The following EVC2 variants were observed in gnomAD, a reference collection of about 807,000 sequenced individuals.
EVC2 encodes EvC ciliary complex subunit 2.
In EVC2, 148 loss-of-function variants were observed where a neutral mutation model predicts 149.3. The ratio of observed to expected loss-of-function variants is 0.99; its 90% confidence interval spans 0.87 to 1.14. The LOEUF is 1.14. Among genes scored for constraint, EVC2 ranks in the 50% most tolerant of loss-of-function variants. The pLI, the probability that EVC2 is intolerant of heterozygous loss-of-function variation, is 0.00. For missense variants in EVC2, 1,854 were observed against 1,627.3 expected, an observed-to-expected ratio of 1.14 and a Z score of -2.40; for synonymous variants, 776 against 649.9, an observed-to-expected ratio of 1.19 and a Z score of -2.95.
In EVC2 at chr4:5,679,024, C is replaced by CGA. The variant is rs938361917; in HGVS notation, c.870+2235_870+2236insTC. 6.7e-6 allele frequency among the ~76,000 whole-genome samples: 1 copy of CGA among 148,174 alleles called. No individual in the cohort carries two copies. Among genetic ancestry groups the CGA allele is most frequent in the African/African-American group, 2.5e-5 (1 of 40,038 alleles). On this transcript the variant is annotated intron_variant, in intron 7 of 21. Transcript: ENST00000344408. The surrounding 1 kb of genome is among the most constrained non-coding windows in gnomAD (Gnocchi z 5.1). ...CCAGCCTGGGCGACAAAGCAAGACTCTAAGAAAAAAAAGAAAGAAAGAAAA... is the reference window on the plus strand; with the variant it reads ...CCAGCCTGGGCGACAAAGCAAGACTCGATAAGAAAAAAAAGAAAGAAAGAAAA...
At chr4:5,598,564 C>T (rs1402154152) in intron 16 of EVC2, among the ~76,000 whole-genome samples, 8 of 152,092 alleles carry the variant, frequency 5.3e-5, no homozygotes, top group Non-Finnish European at 4.4e-5. Flanking sequence ...ATACAAAAAT[C>T]AATTCAAGAT....
In EVC2 at chr4:5,592,849, G is replaced by A. The variant is rs540475614; in HGVS notation, c.2830-7999C>T. On this transcript the variant is annotated intron_variant, in intron 16 of 21. Transcript: ENST00000344408. ...CAGCCCGCCCCAAGGGAAGAAACAC[G>A]GGAGAAGGGATGTGATATGGTTTGG... is the stretch of plus-strand genomic sequence containing the variant. Among the ~76,000 whole-genome samples, 44 of 152,252 alleles carry A rather than the reference G, an allele frequency of 2.9e-4. No homozygotes were observed. In the South Asian group the frequency reaches 8.5e-3, roughly 29 times the overall value.
In EVC2 at chr4:5,631,955, C is replaced by T; in HGVS notation, c.1548G>A (p.Leu516=). ...EQEHLRKSLA[L]QQEEDFAKAH... ...CTTTGGCAAAGTCTTCTTCTTGTTG[C>T]AAAGCGAGAGACTTCCTCAAGTGCT... Residue 516 remains leucine, a synonymous_variant, in exon 11 of 22, where the codon TTG becomes TTA. Coordinates refer to ENST00000344408, the MANE Select transcript of EVC2 (RefSeq NM_147127.5). 1 of 1,614,198 alleles carries T rather than the reference C, an allele frequency of 6.2e-7. No individual in the cohort carries two copies. The highest frequency in any genetic ancestry group is 8.5e-7 in the Non-Finnish European group (1 of 1,180,042).
At chr4:5,593,911 A>G (rs1262915942) in intron 16 of EVC2, among the ~76,000 whole-genome samples, 1 of 152,190 alleles carries the variant, frequency 6.6e-6, no homozygotes, top group Non-Finnish European at 1.5e-5. Flanking sequence ...ACGCACCAGG[A>G]GATTATATCC....
chr4:5,701,122 T>C lies in EVC2; in HGVS notation c.229-3475A>G, dbSNP rs981730547. Among the ~76,000 whole-genome samples the C allele has an allele frequency of 3.3e-5, 5 of 152,206 alleles. No individual in the cohort carries two copies. In the East Asian group the frequency reaches 5.8e-4, roughly 18 times the overall value. On this transcript the variant is annotated intron_variant, in intron 1 of 21. Coordinates refer to ENST00000344408, the MANE Select transcript of EVC2 (RefSeq NM_147127.5). ...GAGACTGCTGCGTTCCTTAAGTTCATGGCCCCTTCCTCCATTGTCAAAGGC... is the reference window on the plus strand; with the variant it reads ...GAGACTGCTGCGTTCCTTAAGTTCACGGCCCCTTCCTCCATTGTCAAAGGC...
Position 5,684,286 on chromosome 4 carries a change from T to C in EVC2, c.816+1084A>G, listed in dbSNP as rs73798118. Among the ~76,000 whole-genome samples the C allele has an allele frequency of 4.9e-3, 741 of 152,342 alleles. 6 individuals carry two copies. Among genetic ancestry groups the C allele is most frequent in the African/African-American group, 0.017 (714 of 41,564 alleles). ...GCCTCTTTCATGTTATCTAAATTTATCTAAGGTTTTTTGTTTTGTTTTGTT... is the reference window on the plus strand; with the variant it reads ...GCCTCTTTCATGTTATCTAAATTTACCTAAGGTTTTTTGTTTTGTTTTGTT... On this transcript the variant is annotated intron_variant, in intron 6 of 21. Transcript: ENST00000344408.
chr4:5,709,327 C>G (rs1367622952), upstream of EVC2: 1 of 152,212 alleles, frequency 6.6e-6, no homozygotes, highest in Admixed American at 6.5e-5. Context: ...CTTCCTCATC[C>G]CTGCCTAGGT....
At chr4:5,692,815 C>A (rs1283122865) in intron 3 of EVC2, among the ~76,000 whole-genome samples, 1 of 138,288 alleles carries the variant, frequency 7.2e-6, no homozygotes, top group Non-Finnish European at 1.5e-5. Flanking sequence ...TGCAGTGAGC[C>A]GAGATTGCGC....
intron 2 of EVC2, among the ~76,000 whole-genome samples, chr4:5,695,574 C>T (rs554790790): frequency 2.9e-4 from 44 of 152,294 alleles, no homozygotes; most frequent in African/African-American, 7.5e-4. Flanking sequence ...CAGTTCCCCT[C>T]ACCTGGGTGT....
Position 5,553,787 on chromosome 4 carries a change from G to A in EVC2, c.3420-10575C>T, listed in dbSNP as rs186178948. 9.9e-5 allele frequency among the ~76,000 whole-genome samples: 15 copies of A among 152,210 alleles called. No homozygotes were observed. In the East Asian group the frequency reaches 1.9e-3, roughly 20 times the overall value. ...AACTGATCCCAACTGACCTCACAGC[G>A]TGCCAGAACAAAATCCAAAACTATT... On this transcript the variant is annotated intron_variant and NMD_transcript_variant, in intron 21 of 22. Transcript: ENST00000475313.
At chr4:5,547,303 G>A (rs1721641543) in intron 21 of EVC2, among the ~76,000 whole-genome samples, 1 of 152,258 alleles carries the variant, frequency 6.6e-6, no homozygotes, top group African/African-American at 2.4e-5. Context: ...GCTGAAGGCA[G>A]CTTATGGCTG....
chr4:5,679,306 G>A lies in EVC2; in HGVS notation c.870+1954C>T, dbSNP rs1323456598. ...GCTGGAGTGCAGTGGCATGATCTCG[G>A]CTCACTGCAACCTCCGCCTCCCAGG... is the stretch of plus-strand genomic sequence containing the variant. On this transcript the variant is annotated intron_variant, in intron 7 of 21. Coordinates refer to ENST00000344408, the MANE Select transcript of EVC2 (RefSeq NM_147127.5). This position sits in a 1 kb window ranked among gnomAD's most constrained non-coding sequence, Gnocchi z 5.1. Among the ~76,000 whole-genome samples the A allele has an allele frequency of 2.6e-5, 4 of 151,686 alleles. No individual in the cohort carries two copies. The highest frequency in any genetic ancestry group is 9.7e-5 in the African/African-American group (4 of 41,342).
At chr4:5,684,887 A>G (rs990880779) in intron 6 of EVC2, among the ~76,000 whole-genome samples, 2 of 152,104 alleles carry the variant, frequency 1.3e-5, no homozygotes, top group Non-Finnish European at 2.9e-5. Flanking sequence ...CCTTAGGAAG[A>G]CACAGGGAGA....
intron 16 of EVC2, among the ~76,000 whole-genome samples, chr4:5,589,793 A>G (rs1712622734): frequency 6.6e-6 from 1 of 152,146 alleles, no homozygotes. Context: ...CTTGGTCACA[A>G]GCAGAAGTCC....
intron 16 of EVC2, among the ~76,000 whole-genome samples, chr4:5,587,003 T>C (rs768013313): frequency 3.9e-5 from 6 of 152,246 alleles, no homozygotes; most frequent in Admixed American, 1.3e-4. Flanking sequence ...TCCCATTTCT[T>C]GCTTCCTGGT....
At chr4:5,700,904 A>T (rs188808672) in intron 1 of EVC2, among the ~76,000 whole-genome samples, 2 of 152,320 alleles carry the variant, frequency 1.3e-5, no homozygotes, top group East Asian at 1.9e-4. Flanking sequence ...ATATGTGCTT[A>T]TTGCAGCTTC....
At chr4:5,624,387 A>C (rs1715950100) in intron 13 of EVC2, among the ~76,000 whole-genome samples, 1 of 152,208 alleles carries the variant, frequency 6.6e-6, no homozygotes. Context: ...TTACTAGTCT[A>C]CCATAACCCA....
At chr4:5,542,904 G>A (rs985304877) in exon 23 of EVC2, 7 of 326,486 alleles carry the variant, frequency 2.1e-5, no homozygotes, top group African/African-American at 1.5e-4. Context: ...TGGTGTTCCA[G>A]GGCCACTGAA....
rs537953746 is a variant in EVC2 at position 5,679,877 on chromosome 4, C to G, written c.870+1383G>C. Among the ~76,000 whole-genome samples the G allele has an allele frequency of 6.6e-6, 1 of 152,142 alleles. No homozygotes were observed. The highest frequency in any genetic ancestry group is 6.5e-5 in the Admixed American group (1 of 15,292). On this transcript the variant is annotated intron_variant, in intron 7 of 21. Transcript: ENST00000344408. This position sits in a 1 kb window ranked among gnomAD's most constrained non-coding sequence, Gnocchi z 5.1. ...TTTGGTAATAACACAGCTTAAAACA[C>G]AAACACACTGTACAGCTATACAAAA...
Sources: allele counts gnomAD v4.1 joint callset (sites outside exome capture counted in the v4.1 genomes callset), GRCh38; gene constraint gnomAD v4.1.1; non-coding constraint Gnocchi (gnomAD v3.1); transcripts MANE v1.5; gene names NCBI Gene and HGNC (gene_info 2026-07-23, HGNC 2026-07-21).